Variants in PCNX3 observed in about 807,000 individuals in gnomAD.
PCNX3 encodes the protein pecanex 3.
In PCNX3, 58 loss-of-function variants were observed where a neutral mutation model predicts 207.2. The observed-to-expected ratio is 0.28, with a 90% confidence interval of 0.23 to 0.35. PCNX3 has a LOEUF of 0.35. Ranked by LOEUF, PCNX3 falls within the 10% of genes least tolerant of loss-of-function variation. The pLI is 1.00. For missense variants in PCNX3, 2,410 were observed against 2,774.4 expected, an observed-to-expected ratio of 0.87 and a Z score of 2.95; for synonymous variants, 1,337 against 1,183.5, an observed-to-expected ratio of 1.13 and a Z score of -2.66.
chr11:65,618,383 T>C lies in PCNX3; in HGVS notation c.1021T>C (p.Ser341Pro). Residue 341 changes from serine (S) to proline (P), a missense_variant, in exon 6 of 35, where the codon TCT (serine) becomes CCT (proline). Around this residue, in one of 8 missense-constraint regions of PCNX3, gnomAD observed 1,104 missense variants for 970.3 expected, o/e 1.14. Transcript: ENST00000355703. Reference protein sequence around the residue: ...APEGSDTDPPSEAELPASPDA... With the variant: ...APEGSDTDPPPEAELPASPDA... ...TGAGGGCAGCGACACAGACCCACCC[T>C]CTGAGGCTGAGCTGCCTGCCTCACC... 2.5e-6 allele frequency: 4 copies of C among 1,612,716 alleles called. No individual in the cohort carries two copies. Among genetic ancestry groups the C allele is most frequent in the Non-Finnish European group, 3.4e-6 (4 of 1,179,826 alleles).
Position 65,616,966 on chromosome 11 carries a change from G to T in PCNX3, c.296G>T (p.Gly99Val), listed in dbSNP as rs781203801. The change falls in exon 2 of 35, where the codon GGG becomes GTG. Residue 99 changes from glycine (G) to valine (V), a missense_variant. Gly to Val is a moderately radical substitution (Grantham distance 109). Around this residue, in one of 8 missense-constraint regions of PCNX3, gnomAD observed 1,104 missense variants for 970.3 expected, o/e 1.14. Coordinates refer to ENST00000355703, the MANE Select transcript of PCNX3 (RefSeq NM_032223.4). ...EIVEKRSSTM[G>V]ELEEEPAQGD... ...GTGGAGAAGCGCAGCTCTACCATGG[G>T]GGAGCTGGAGGAAGAGCCTGCCCAG... 6.2e-7 allele frequency: 1 copy of T among 1,613,074 alleles called. No individual in the cohort carries two copies.
At chr11:65,623,753 A>G (rs1200968180) in intron 12 of PCNX3, 109 bp downstream of exon 12, 3 of 1,536,144 alleles carry the variant, frequency 2.0e-6, no homozygotes, top group Admixed American at 1.9e-5. Context: ...TAATTTGTCT[A>G]AGGTTCCCTA....
chr11:65,622,243 A>G lies in PCNX3; in HGVS notation c.2236-2A>G. On this transcript the variant is annotated splice_acceptor_variant, in intron 10 of 34. Coordinates refer to ENST00000355703, the MANE Select transcript of PCNX3 (RefSeq NM_032223.4). LOFTEE classifies it high-confidence loss of function. ...GACCAGGACTCCCTGCACGAATCCC[A>G]GGAGCAGACACTGATGGAAGAAGCG... The G allele has an allele frequency of 6.2e-7, 1 of 1,603,674 alleles. No homozygotes were observed. The highest frequency in any genetic ancestry group is 1.1e-5 in the South Asian group (1 of 89,170).
Position 65,627,475 on chromosome 11 carries a change from C to T in PCNX3, c.3595C>T (p.Gln1199Ter), listed in dbSNP as rs1855450609. The stretch of plus-strand genomic sequence containing the variant: ...CTCAGCCTTCTGCTGCCCCCCACAG[C>T]AGTACCTGACGTTGGCCTTCACCGT... The part of the protein sequence containing the change: ...LRSAFCCPPQ[Q>*]YLTLAFTVLL... Residue 1199 changes from glutamine (Q) to a stop codon, truncating the protein, a stop_gained, in exon 22 of 35, where the codon CAG becomes TAG. Transcript: ENST00000355703. LOFTEE classifies it high-confidence loss of function. The T allele has an allele frequency of 6.2e-7, 1 of 1,613,628 alleles. No individual in the cohort carries two copies. The highest frequency in any genetic ancestry group is 1.3e-5 in the African/African-American group (1 of 74,930).
In PCNX3 at chr11:65,623,835, A is replaced by G. The variant is rs931699691; in HGVS notation, c.2512-94A>G. ...GTTCGGGGGCCTGACCTGGTCACTCATAACTGCCTAGTGGTGGAGCTGAAC... is the reference window on the plus strand; with the variant it reads ...GTTCGGGGGCCTGACCTGGTCACTCGTAACTGCCTAGTGGTGGAGCTGAAC... On this transcript the variant is annotated intron_variant, in intron 12 of 34. Coordinates refer to ENST00000355703, the MANE Select transcript of PCNX3 (RefSeq NM_032223.4). 6 of 1,584,372 alleles carry G rather than the reference A, an allele frequency of 3.8e-6. No homozygotes were observed. The South Asian group carries it at 4.4e-5, about 12-fold the overall frequency.
At position 65,616,481 on chromosome 11, in the gene PCNX3, A is replaced by C; in HGVS notation, c.153+17A>C. On this transcript the variant is annotated intron_variant, in intron 1 of 34. Transcript: ENST00000355703. The stretch of plus-strand genomic sequence containing the variant: ...CTGTACATGGTGAGACGCCACGGCC[A>C]CCTGTAACTCCAGCCGGGAGAGGGA... 2 of 1,593,994 alleles carry C rather than the reference A, an allele frequency of 1.3e-6. No individual in the cohort carries two copies.
rs547353584 is a variant in PCNX3 at position 65,625,696 on chromosome 11, C to T, written c.3180C>T (p.Ala1060=). Residue 1060 remains alanine (A), a synonymous_variant, in exon 19 of 35, where the codon GCC becomes GCT. Coordinates refer to ENST00000355703, the MANE Select transcript of PCNX3 (RefSeq NM_032223.4). This position sits in a 1 kb window ranked among gnomAD's most constrained non-coding sequence, Gnocchi z 5.6. ...ACCTGGTGATGTGTGTGGTGATCGC[C>T]GTGCTCACCTTCGCCATCAGCGCCA... ...HSDLVMCVVI[A]VLTFAISAST... The T allele has an allele frequency of 9.3e-6, 15 of 1,612,444 alleles. No individual in the cohort carries two copies. The highest frequency in any genetic ancestry group is 2.2e-5 in the East Asian group (1 of 44,890).
Position 65,620,335 on chromosome 11 carries a change from C to T in PCNX3, c.2009-4C>T, listed in dbSNP as rs866312994. ...GCTGCCTCATCTCCCATACCCTGCC[C>T]CAGGTGTGCGGCGTTCCTACACCTT... On this transcript the variant is annotated splice_region_variant and splice_polypyrimidine_tract_variant and intron_variant, in intron 8 of 34. Coordinates refer to ENST00000355703, the MANE Select transcript of PCNX3 (RefSeq NM_032223.4). 2 of 1,612,532 alleles carry T rather than the reference C, an allele frequency of 1.2e-6. No individual in the cohort carries two copies. The highest frequency in any genetic ancestry group is 1.7e-6 in the Non-Finnish European group (2 of 1,179,264).
chr11:65,622,087 T>G lies in PCNX3; in HGVS notation c.2236-158T>G, dbSNP rs560493436. 4.5e-6 allele frequency: 4 copies of G among 890,894 alleles called. 1 individual carries two copies. The highest frequency in any genetic ancestry group is 5.4e-6 in the Non-Finnish European group (4 of 745,396). The allele number at this position is 890,894 out of a possible 1,614,324, so 55.2% of individuals were successfully genotyped here. The stretch of plus-strand genomic sequence containing the variant: ...GGGTTCTGGTGGGGTCCAGGGCCGC[T>G]AGACAGGGGCCTTTATGTGCTGATG... On this transcript the variant is annotated intron_variant, in intron 10 of 34. Transcript: ENST00000355703.
intron 9 of PCNX3, among the ~76,000 whole-genome samples, 178 bp downstream of exon 9, chr11:65,620,607 C>A (rs891845049): frequency 6.6e-6 from 1 of 152,202 alleles, no homozygotes; most frequent in East Asian, 1.9e-4. Context: ...GGCTCCATGA[C>A]ACTCCGGGCA....
chr11:65,619,138 T>A, intron 6 of PCNX3, 71 bp downstream of exon 6: 2 of 1,257,136 alleles, frequency 1.6e-6, no homozygotes, highest in Non-Finnish European at 2.2e-6. Context: ...AAAGGGCAGG[T>A]AAGAATGGAC....
Position 65,619,023 on chromosome 11 carries a change from C to T in PCNX3, c.1661C>T (p.Pro554Leu). Reference protein sequence around the residue: ...EARRGPAANQPGWRGELQEEG... With the variant: ...EARRGPAANQLGWRGELQEEG... Reference sequence around the variant, plus strand: ...CGAAGGGGACCCGCTGCCAACCAGCCCGGCTGGCGGGGGGAGCTGCAGGAG... The same window carrying T: ...CGAAGGGGACCCGCTGCCAACCAGCTCGGCTGGCGGGGGGAGCTGCAGGAG... Residue 554 changes from proline (P) to leucine (L), a missense_variant, in exon 6 of 35, where the codon CCC (proline) becomes CTC (leucine). Transcript: ENST00000355703. The T allele has an allele frequency of 6.3e-7, 1 of 1,594,886 alleles. No individual in the cohort carries two copies. The highest frequency in any genetic ancestry group is 8.5e-7 in the Non-Finnish European group (1 of 1,177,938).
Position 65,618,964 on chromosome 11 carries a change from T to C in PCNX3, c.1602T>C (p.Ala534=). The C allele has an allele frequency of 6.2e-7, 1 of 1,604,138 alleles. No homozygotes were observed. Among genetic ancestry groups the C allele is most frequent in the Non-Finnish European group, 8.5e-7 (1 of 1,177,804 alleles). ...AGGCCCAGGTTGGGGTGGAGCAGGC[T>C]GCTAGTGAGCCTGTTGTGCTGCCTG... ...ELEAQVGVEQ[A]ASEPVVLPAE... Residue 534 remains alanine (A), a synonymous_variant, in exon 6 of 35, where the codon GCT becomes GCC. Transcript: ENST00000355703.
Position 65,618,830 on chromosome 11 carries a change from C to A in PCNX3, c.1468C>A (p.Arg490=). The A allele has an allele frequency of 6.2e-7, 1 of 1,611,078 alleles. No individual in the cohort carries two copies. The highest frequency in any genetic ancestry group is 8.5e-7 in the Non-Finnish European group (1 of 1,179,198). ...CCCCAAGCGGCCATATGGGACCCAG[C>A]GGACGCCTAGTACCGCCAGCGCTAA... ...VPPKRPYGTQ[R]TPSTASAKTH... Residue 490 remains arginine (R), a synonymous_variant, in exon 6 of 35, where the codon CGG becomes AGG. Transcript: ENST00000355703.
Position 65,634,142 on chromosome 11 carries a change from T to C in PCNX3, c.4487T>C (p.Val1496Ala). The C allele has an allele frequency of 6.2e-7, 1 of 1,612,378 alleles. No individual in the cohort carries two copies. The highest frequency in any genetic ancestry group is 8.5e-7 in the Non-Finnish European group (1 of 1,179,646). ...CTCTCCCAGAGCATCATCTACTACG[T>C]GAGCCGCTCACCAAAGCTGGAGGTG... ...TYYVKSIIYYVSRSPKLEVWL... is the reference protein window; with the variant it reads ...TYYVKSIIYYASRSPKLEVWL... Residue 1496 changes from valine to alanine, a missense_variant, in exon 28 of 35, where the codon GTG becomes GCG. Physicochemically the swap from Val to Ala is moderately conservative, Grantham distance 64. This residue lies in a region of PCNX3 where 420 missense variants were observed against 705.3 expected (regional missense o/e 0.60). Transcript: ENST00000355703.
chr11:65,636,045 T>G, intron 32 of PCNX3, 129 bp from the exon 33 acceptor site: 1 of 1,407,980 alleles, frequency 7.1e-7, no homozygotes, highest in Non-Finnish European at 9.7e-7. Context: ...GGTGGCAGCT[T>G]CTTAGAGGGG....
intron 9 of PCNX3, 132 bp from the exon 10 acceptor site, chr11:65,620,699 A>G: frequency 7.9e-7 from 1 of 1,269,000 alleles, no homozygotes; most frequent in Middle Eastern, 2.0e-4. Flanking sequence ...ACCTGACCCC[A>G]GCACTTGTCC....
intron 20 of PCNX3, chr11:65,626,262 C>A: frequency 1.3e-6 from 1 of 751,724 alleles, no homozygotes; most frequent in Non-Finnish European, 2.3e-6. Context: ...CTGTGCCCTT[C>A]CCTTGCCTGT....
Position 65,635,106 on chromosome 11 carries a change from C to G in PCNX3, c.4939C>G (p.Leu1647Val). 1 of 1,613,362 alleles carries G rather than the reference C, an allele frequency of 6.2e-7. No individual in the cohort carries two copies. The highest frequency in any genetic ancestry group is 8.5e-7 in the Non-Finnish European group (1 of 1,179,634). The change falls in exon 30 of 35, where the codon CTC becomes GTC. Residue 1647 changes from leucine to valine, a missense_variant. Transcript: ENST00000355703. This position sits in a 1 kb window ranked among gnomAD's most constrained non-coding sequence, Gnocchi z 9.9. The stretch of plus-strand genomic sequence containing the variant: ...TGTGGCGCCTGGGGTTCGCATGGCC[C>G]TCAAGCTTCACCAGGTTGGGGAGGG... The part of the protein sequence containing the change: ...RVVAPGVRMA[L>V]KLHQDHFTSP...
Sources: gnomAD v4.1 joint callset for allele counts (sites outside exome capture counted in the v4.1 genomes callset) on GRCh38, gnomAD v4.1.1 for gene constraint, gnomAD v4.1.1 regional missense constraint, Gnocchi (gnomAD v3.1) non-coding constraint, MANE v1.5 for transcripts, NCBI Gene and HGNC (gene_info 2026-07-23, HGNC 2026-07-21) for gene names.